TNNT2: variants seen among roughly 807,000 people sequenced by gnomAD.
TNNT2 encodes the protein troponin T2, cardiac type.
A neutral mutation model predicts 62.4 loss-of-function variants in TNNT2; 34 were observed. The ratio of observed to expected loss-of-function variants is 0.54; its 90% CI spans 0.41 to 0.72. The LOEUF (loss-of-function observed/expected upper bound fraction) is 0.72, where lower values mean the gene tolerates loss of function less well. Among genes scored for constraint, TNNT2 ranks in the 30% least tolerant of loss-of-function variants. TNNT2 has a pLI of 0.00. For missense variants in TNNT2, 275 were observed against 381.9 expected (o/e 0.72, Z 2.33); for synonymous variants, 123 against 127.2 (o/e 0.97, Z 0.22).
At chr1:201,369,144 T>C (rs950489845) in intron 5 of TNNT2, among the ~76,000 whole-genome samples, 1 of 152,152 alleles carries the variant, frequency 6.6e-6, no homozygotes, top group African/African-American at 2.4e-5. Flanking sequence ...CTATATAATA[T>C]ACCCCAGCCC....
chr1:201,361,770 G>A, intron 14 of TNNT2, 143 bp downstream of exon 14: 1 of 818,014 alleles, frequency 1.2e-6, no homozygotes, highest in East Asian at 2.5e-5. Context: ...CTGGGGCCCA[G>A]CTCTGGTCCC....
chr1:201,377,395 A>G (rs1312111886), intron 1 of TNNT2, among the ~76,000 whole-genome samples: 2 of 152,098 alleles, frequency 1.3e-5, no homozygotes, highest in Non-Finnish European at 2.9e-5. Flanking sequence ...CTCCAACCCT[A>G]GTCTCCAATG....
In TNNT2 at chr1:201,366,370, C is replaced by A. The variant is rs1039127126; in HGVS notation, c.233+468G>T. On this transcript the variant is annotated intron_variant, in intron 8 of 16. Coordinates refer to ENST00000656932, the MANE Select transcript of TNNT2 (RefSeq NM_001276345.2). The stretch of plus-strand genomic sequence containing the variant: ...AATGCTCCCTATCCCCCAGCCCCCC[C>A]CAGCACACACCACCTTCAGGTGGGC... 20 of 1,054,768 alleles carry A rather than the reference C, an allele frequency of 1.9e-5. No individual in the cohort carries two copies. The Middle Eastern group carries it at 1.4e-3, about 72-fold the overall frequency. 65.3% of individuals were successfully genotyped at this position (1,054,768 alleles called of 1,614,324 possible).
At chr1:201,370,161 G>A (rs746583577) in intron 4 of TNNT2, among the ~76,000 whole-genome samples, 2 of 152,238 alleles carry the variant, frequency 1.3e-5, no homozygotes, top group Non-Finnish European at 2.9e-5. Flanking sequence ...CATGCGATCT[G>A]TGGTAACTGC....
intron 7 of TNNT2, chr1:201,367,123 C>A: frequency 1.6e-6 from 1 of 613,560 alleles, no homozygotes; most frequent in South Asian, 1.9e-5. Flanking sequence ...TCACACAAAG[C>A]CTTCTCTCAC....
chr1:201,368,136 C>A, intron 6 of TNNT2, 26 bp downstream of exon 6: 1 of 1,613,158 alleles, frequency 6.2e-7, no homozygotes, highest in Non-Finnish European at 8.5e-7. Context: ...CCCCTGAGGC[C>A]CCTGCACCCT....
At position 201,373,280 on chromosome 1, in the gene TNNT2, G is replaced by A. The variant is rs1261292405; in HGVS notation, c.-14-12C>T. 1 of 1,613,828 alleles carries A rather than the reference G, an allele frequency of 6.2e-7. No homozygotes were observed. Among genetic ancestry groups the A allele is most frequent in the Non-Finnish European group, 8.5e-7 (1 of 1,179,804 alleles). On this transcript the variant is annotated splice_polypyrimidine_tract_variant and intron_variant, in intron 1 of 16. Coordinates refer to ENST00000656932, the MANE Select transcript of TNNT2 (RefSeq NM_001276345.2). ...GGTCTCTGCTCTCCCTCCAAAAGGA[G>A]AAAAAAGTCAGTGCAGGTACAAAGG...
rs754037135 is a variant in TNNT2, at chr1:201,364,356, C to T, written c.431G>A (p.Arg144Gln). The T allele has an allele frequency of 2.5e-6, 4 of 1,613,004 alleles. No individual in the cohort carries two copies. Among genetic ancestry groups the T allele is most frequent in the Non-Finnish European group, 3.4e-6 (4 of 1,180,002 alleles). Residue 144 changes from arginine to glutamine, a missense_variant, in exon 11 of 17, where the codon CGG becomes CAG. Coordinates refer to ENST00000656932, the MANE Select transcript of TNNT2 (RefSeq NM_001276345.2). ...KDRIERRRAERAEQQRIRNER... is the reference protein window; with the variant it reads ...KDRIERRRAEQAEQQRIRNER... Reference sequence around the variant, plus strand: ...ATTCCGGATGCGCTGCTGCTCGGCCCGCTCTGCCCGACGTCTCTCCTAAGG... The same window carrying T: ...ATTCCGGATGCGCTGCTGCTCGGCCTGCTCTGCCCGACGTCTCTCCTAAGG...
Position 201,359,198 on chromosome 1 carries a change from G to A in TNNT2, c.*12C>T. On this transcript the variant is annotated 3_prime_UTR_variant, in exon 17 of 17. Transcript: ENST00000656932. ...GAGCGAGGAGCAGATCTTTGGTGAA[G>A]GAGGCCAGGCTCTATTTCCAGCGCC... 6.2e-7 allele frequency: 1 copy of A among 1,608,070 alleles called. No individual in the cohort carries two copies. The highest frequency in any genetic ancestry group is 8.5e-7 in the Non-Finnish European group (1 of 1,178,030).
Position 201,365,592 on chromosome 1 carries a change from C to T in TNNT2, c.294+18G>A, listed in dbSNP as rs1262316052. 1.2e-6 allele frequency: 2 copies of T among 1,613,428 alleles called. No individual in the cohort carries two copies. The highest frequency in any genetic ancestry group is 1.3e-5 in the African/African-American group (1 of 74,930). On this transcript the variant is annotated intron_variant, in intron 9 of 16. Transcript: ENST00000656932. ...CTATCCCCAGCCCAGGCCTACTCAA[C>T]CCACAGCCACCGCTTACATCAAAGT... is the stretch of plus-strand genomic sequence containing the variant.
Position 201,360,026 on chromosome 1 carries a change from C to T in TNNT2, c.811-363G>A, listed in dbSNP as rs147194518. On this transcript the variant is annotated intron_variant, in intron 15 of 16. Transcript: ENST00000656932. ...CCCAGACCCCTCTGGGGCACCCCTG[C>T]CCAGCTGCCCACCATCCCGGAAGCT... Among the ~76,000 whole-genome samples, 42 of 152,330 alleles carry T rather than the reference C, an allele frequency of 2.8e-4. No homozygotes were observed. In the East Asian group the frequency reaches 8.1e-3, roughly 29 times the overall value.
In TNNT2 at chr1:201,363,327, T is replaced by C. The variant is rs1258765331; in HGVS notation, c.569A>G (p.Asn190Ser). ...DEARKKKALS[N>S]MMHFGGYIQK... ...GATGTAACCCCCAAAATGCATCATG[T>C]TGGACAAAGCCTTCTTCTTCCGGGC... is the stretch of plus-strand genomic sequence containing the variant. Residue 190 changes from asparagine (N) to serine (S), a missense_variant, in exon 12 of 17, where the codon AAC (asparagine) becomes AGC (serine). Asn to Ser is a conservative substitution (Grantham distance 46). Coordinates refer to ENST00000656932, the MANE Select transcript of TNNT2 (RefSeq NM_001276345.2). 3 of 1,614,058 alleles carry C rather than the reference T, an allele frequency of 1.9e-6. No homozygotes were observed. The highest frequency in any genetic ancestry group is 2.5e-6 in the Non-Finnish European group (3 of 1,180,042).
Position 201,365,242 on chromosome 1 carries a change from A to C in TNNT2, c.360T>G (p.Phe120Leu), listed in dbSNP as rs727504331. The change falls in exon 10 of 17, where the codon TTT becomes TTG. Residue 120 changes from phenylalanine (F) to leucine (L), a missense_variant. Transcript: ENST00000656932. ...NELQALIEAH[F>L]ENRKKEEEEL... ...CCTCCTCCTCTTTCTTCCTGTTCTC[A>C]AAGTGAGCCTCGATCAGCGCCTGCA... is the stretch of plus-strand genomic sequence containing the variant. 1 of 1,614,204 alleles carries C rather than the reference A, an allele frequency of 6.2e-7. No homozygotes were observed.
intron 1 of TNNT2, chr1:201,375,105 A>G (rs975921560): frequency 2.0e-5 from 3 of 152,406 alleles, no homozygotes; most frequent in Non-Finnish European, 4.4e-5. Flanking sequence ...CATCCCCCCC[A>G]TAGTGGCTGA....
chr1:201,366,386 T>G (rs1659667431), intron 8 of TNNT2: 6 of 1,056,392 alleles, frequency 5.7e-6, no homozygotes, highest in Middle Eastern at 4.5e-4. Context: ...CACACCACCT[T>G]CAGGTGGGCT....
At chr1:201,376,501 G>A (rs1290819033) in intron 1 of TNNT2, among the ~76,000 whole-genome samples, 2 of 152,184 alleles carry the variant, frequency 1.3e-5, no homozygotes, top group African/African-American at 4.8e-5. Flanking sequence ...GCGGGGGTAA[G>A]GGGATGGGGA....
chr1:201,361,500 GCCCACCCCCTGGGCC>G, intron 14 of TNNT2, 131 bp from the exon 15 acceptor site: 1 of 900,532 alleles, frequency 1.1e-6, no homozygotes, highest in Non-Finnish European at 1.8e-6. Flanking sequence ...GGGTACCCCA[GCCCACCCCCTGGGCC>G]TGACCCAGCC....
intron 11 of TNNT2, 107 bp from the exon 12 acceptor site, chr1:201,363,513 C>T: frequency 9.6e-7 from 1 of 1,039,926 alleles, no homozygotes; most frequent in Non-Finnish European, 1.5e-6. Flanking sequence ...TTTCTCTCCG[C>T]TCAGCAAGGA....
intron 1 of TNNT2, among the ~76,000 whole-genome samples, chr1:201,376,942 C>A (rs1661487148): frequency 6.6e-6 from 1 of 152,224 alleles, no homozygotes; most frequent in Non-Finnish European, 1.5e-5. Flanking sequence ...CCCCCAAGTG[C>A]AGCTCAGCTC....
Sources: gnomAD v4.1 joint callset for allele counts (sites outside exome capture counted in the v4.1 genomes callset) on GRCh38, gnomAD v4.1.1 for gene constraint, MANE v1.5 for transcripts, NCBI Gene and HGNC (gene_info 2026-07-23, HGNC 2026-07-21) for gene names.